The following ASCC3 variants were observed in gnomAD, a reference collection of about 807,000 sequenced individuals.
The protein encoded by ASCC3 is ASC-1 complex subunit P200.
Under a neutral mutation model 256.3 loss-of-function variants are expected in ASCC3, and 158 were observed. The observed-to-expected ratio is 0.62, with a 90% CI of 0.54 to 0.70. ASCC3 has a LOEUF of 0.70. ASCC3 is among the 30% of genes least tolerant of loss of function. The pLI, the probability that ASCC3 is intolerant of heterozygous loss-of-function variation, is 0.00. For synonymous variants in ASCC3, 948 were observed against 883.4 expected (o/e 1.07, Z -1.30); for missense variants, 2,259 against 2,626.0 (o/e 0.86, Z 3.05).
intron 4 of ASCC3, among the ~76,000 whole-genome samples, chr6:100,837,197 T>C (rs889784433): frequency 7.9e-5 from 12 of 151,968 alleles, no homozygotes; most frequent in African/African-American, 2.7e-4. Context: ...CAATTAGAAT[T>C]GCTGTTACCA....
chr6:100,582,940 C>T (rs1771393105), intron 36 of ASCC3, among the ~76,000 whole-genome samples: 1 of 152,172 alleles, frequency 6.6e-6, no homozygotes, highest in African/African-American at 2.4e-5. Flanking sequence ...ATGAAGCCCA[C>T]TTGATCATGG....
At chr6:100,715,617 G>A in intron 12 of ASCC3, 84 bp from the exon 13 acceptor site, 1 of 1,148,210 alleles carries the variant, frequency 8.7e-7, no homozygotes, top group Non-Finnish European at 1.3e-6. Context: ...CAATTACAAT[G>A]CATTTTTTAA....
At chr6:100,775,614 C>CAT (rs1269689133) in intron 8 of ASCC3, among the ~76,000 whole-genome samples, 2 of 151,872 alleles carry the variant, frequency 1.3e-5, no homozygotes, top group Non-Finnish European at 2.9e-5. Flanking sequence ...AATATTATTG[C>CAT]ATATATATAC....
chr6:100,828,372 G>A (rs1392618116), intron 4 of ASCC3, among the ~76,000 whole-genome samples: 1 of 152,152 alleles, frequency 6.6e-6, no homozygotes, highest in African/African-American at 2.4e-5. Flanking sequence ...TATCCGCGGT[G>A]GGGAGATACA....
At chr6:100,865,355 T>C (rs1712226354) in intron 2 of ASCC3, among the ~76,000 whole-genome samples, 1 of 152,224 alleles carries the variant, frequency 6.6e-6, no homozygotes, top group South Asian at 2.1e-4. Flanking sequence ...GATAAGCTTG[T>C]AGTACTTACA....
intron 4 of ASCC3, among the ~76,000 whole-genome samples, chr6:100,830,303 C>T (rs910140770): frequency 2.6e-5 from 4 of 151,908 alleles, no homozygotes; most frequent in African/African-American, 9.7e-5. Context: ...CAAAATGTAG[C>T]AAATGGGAAA....
chr6:100,621,657 A>G (rs897384733), intron 30 of ASCC3, among the ~76,000 whole-genome samples: 5 of 152,196 alleles, frequency 3.3e-5, no homozygotes, highest in African/African-American at 1.2e-4. Flanking sequence ...AAATTAGTTC[A>G]ACCATTGTGG....
chr6:100,740,549 A>C (rs78642650), intron 10 of ASCC3, among the ~76,000 whole-genome samples: 2,222 of 152,272 alleles, frequency 0.015, 31 homozygotes, highest in South Asian at 0.022. Context: ...GTCTCCCACT[A>C]TTACTGTGTG....
At chr6:100,705,161 T>G (rs937248740) in intron 13 of ASCC3, among the ~76,000 whole-genome samples, 1 of 151,984 alleles carries the variant, frequency 6.6e-6, no homozygotes, top group Non-Finnish European at 1.5e-5. Context: ...TCTTGCAGAG[T>G]AGGACTGTTG....
intron 36 of ASCC3, among the ~76,000 whole-genome samples, chr6:100,575,826 A>T (rs1464041895): frequency 3.3e-5 from 5 of 151,990 alleles, no homozygotes; most frequent in African/African-American, 4.8e-5. Context: ...TTCAAAAAAA[A>T]TTTTCCCTAA....
At chr6:100,639,401 A>C (rs1251810785) in intron 24 of ASCC3, among the ~76,000 whole-genome samples, 2 of 152,182 alleles carry the variant, frequency 1.3e-5, no homozygotes, top group African/African-American at 2.4e-5. Context: ...GTTTCTTATT[A>C]TGTGGATGGG....
chr6:100,812,098 G>A (rs1163366266), intron 4 of ASCC3, among the ~76,000 whole-genome samples: 1 of 152,142 alleles, frequency 6.6e-6, no homozygotes, highest in East Asian at 1.9e-4. Flanking sequence ...TTAATACTGT[G>A]AAGTGAGAGG....
intron 30 of ASCC3, among the ~76,000 whole-genome samples, chr6:100,617,870 A>G (rs1562170934): frequency 2.6e-5 from 4 of 151,618 alleles, no homozygotes; most frequent in African/African-American, 7.3e-5. Context: ...GTTTCTCCAC[A>G]CTCTGTCTGA....
intron 3 of ASCC3, chr6:100,858,895 A>G: frequency 1.9e-6 from 1 of 531,424 alleles, no homozygotes. Flanking sequence ...CAAGGATCAT[A>G]CATTACATTT....
chr6:100,811,901 T>A (rs1010848787), intron 4 of ASCC3, among the ~76,000 whole-genome samples: 1 of 152,168 alleles, frequency 6.6e-6, no homozygotes, highest in South Asian at 2.1e-4. Flanking sequence ...CACAGAGTTA[T>A]TGGATTAGTT....
chr6:100,792,611 C>T (rs1205886772), intron 8 of ASCC3, among the ~76,000 whole-genome samples: 3 of 151,768 alleles, frequency 2.0e-5, no homozygotes. Context: ...TTATATAGTC[C>T]AACTATTTAT....
intron 30 of ASCC3, among the ~76,000 whole-genome samples, chr6:100,613,668 A>G (rs1473889541): frequency 6.6e-6 from 1 of 152,052 alleles, no homozygotes; most frequent in Non-Finnish European, 1.5e-5. Context: ...TGATATACTG[A>G]TTTCTTTTTC....
At chr6:100,625,054 C>T (rs1481484199) in intron 30 of ASCC3, 138 bp downstream of exon 30, 31 of 962,370 alleles carry the variant, frequency 3.2e-5, no homozygotes, top group Non-Finnish European at 4.7e-5. Context: ...CAAACTATAA[C>T]AGAATATTAA....
At chr6:100,787,904 T>C (rs1370284982) in intron 8 of ASCC3, among the ~76,000 whole-genome samples, 1 of 151,758 alleles carries the variant, frequency 6.6e-6, no homozygotes, top group Admixed American at 6.6e-5. Flanking sequence ...GAAGAAAATC[T>C]TAATAACCTC....
Sources: allele counts gnomAD v4.1 joint callset (sites outside exome capture counted in the v4.1 genomes callset), GRCh38; gene constraint gnomAD v4.1.1; transcripts MANE v1.5; gene names NCBI Gene and HGNC (gene_info 2026-07-23, HGNC 2026-07-21).